NAALADL2: variants seen among roughly 807,000 people sequenced by gnomAD.
NAALADL2 encodes the protein N-acetylated alpha-linked acidic dipeptidase like 2.
NAALADL2 carries 76 observed loss-of-function variants against 87.2 expected under a neutral mutation model. The observed-to-expected ratio is 0.87, with a 90% CI of 0.72 to 1.05. The LOEUF (loss-of-function observed/expected upper bound fraction) is 1.05. Ranked by LOEUF, NAALADL2 falls within the 50% of genes least tolerant of loss-of-function variation. The probability of loss-of-function intolerance (pLI) is 0.00; values close to 1 mark genes in which losing one functional copy is unlikely to be tolerated. For synonymous variants in NAALADL2, 354 were observed against 331.0 expected (o/e 1.07, Z -0.75); for missense variants, 1,089 against 945.8 (o/e 1.15, Z -1.99).
chr3:175,076,605 A>G lies in NAALADL2; in HGVS notation c.44-20185A>G, dbSNP rs146615334. On this transcript the variant is annotated intron_variant, in intron 1 of 13. Transcript: ENST00000454872. The stretch of plus-strand genomic sequence containing the variant: ...AATATTGGACATATCTTGGCTTGTT[A>G]CTTACCTCATCTTTCTAAAAGTCAA... 2.9e-3 allele frequency among the ~76,000 whole-genome samples: 434 copies of G among 152,264 alleles called. 1 individual carries two copies. Among genetic ancestry groups the G allele is most frequent in the African/African-American group, 0.01 (419 of 41,550 alleles).
intron 3 of NAALADL2, among the ~76,000 whole-genome samples, chr3:174,793,728 TAC>T (rs1302837807): frequency 6.6e-6 from 1 of 152,086 alleles, no homozygotes; most frequent in Non-Finnish European, 1.5e-5. Context: ...ATCTCTCTCA[TAC>T]AGTGTCCTTT....
intron 9 of NAALADL2, among the ~76,000 whole-genome samples, chr3:175,499,594 G>T (rs1039771285): frequency 1.7e-4 from 26 of 151,956 alleles, no homozygotes; most frequent in Admixed American, 1.2e-3. Context: ...TAGGGTTTCA[G>T]TATGAATTGT....
chr3:174,816,509 A>G (rs1325307531), intron 3 of NAALADL2, among the ~76,000 whole-genome samples: 1 of 79,824 alleles, frequency 1.3e-5, no homozygotes, highest in Non-Finnish European at 2.6e-5. Flanking sequence ...TATTTTATAC[A>G]TTTATTTATA....
intron 2 of NAALADL2, among the ~76,000 whole-genome samples, chr3:174,680,534 A>G (rs1466896124): frequency 6.6e-6 from 1 of 152,310 alleles, no homozygotes; most frequent in East Asian, 1.9e-4. Context: ...AAAAATTCCA[A>G]AAGGAACTCT....
intron 1 of NAALADL2, among the ~76,000 whole-genome samples, chr3:175,055,015 C>T (rs941352947): frequency 4.1e-4 from 62 of 152,276 alleles, no homozygotes; most frequent in African/African-American, 1.3e-3. Context: ...TTAAATTGAG[C>T]AGGTTGAATT....
chr3:174,817,508 G>A (rs1297514718), intron 3 of NAALADL2, among the ~76,000 whole-genome samples: 1 of 152,112 alleles, frequency 6.6e-6, no homozygotes, highest in African/African-American at 2.4e-5. Flanking sequence ...AGGCTGAGGT[G>A]GGGGGATCAC....
chr3:174,709,696 C>T (rs1362004284), intron 2 of NAALADL2, among the ~76,000 whole-genome samples: 2 of 152,020 alleles, frequency 1.3e-5, no homozygotes, highest in Non-Finnish European at 1.5e-5. Flanking sequence ...GATATATTAG[C>T]GATTCTGGTA....
At chr3:175,452,454 G>A (rs891864070) in intron 6 of NAALADL2, among the ~76,000 whole-genome samples, 8 of 152,162 alleles carry the variant, frequency 5.3e-5, no homozygotes, top group African/African-American at 1.9e-4. Flanking sequence ...TTTTTGAGCA[G>A]AGTGGGCTTT....
chr3:175,224,809 G>C (rs1314613620), intron 2 of NAALADL2, among the ~76,000 whole-genome samples: 1 of 152,114 alleles, frequency 6.6e-6, no homozygotes, highest in Non-Finnish European at 1.5e-5. Context: ...TGTGTAACAT[G>C]CTTCAAAACA....
intron 1 of NAALADL2, among the ~76,000 whole-genome samples, chr3:175,029,048 A>ATT (rs1458221734): frequency 3.4e-5 from 2 of 59,230 alleles, no homozygotes; most frequent in East Asian, 8.4e-4. Context: ...ATATATTAAA[A>ATT]TTATATATAT....
At chr3:174,835,275 ACAATTGCTG>A (rs1422214539) in intron 3 of NAALADL2, among the ~76,000 whole-genome samples, 1 of 152,142 alleles carries the variant, frequency 6.6e-6, no homozygotes, top group Non-Finnish European at 1.5e-5. Flanking sequence ...AGCCGTTTCA[ACAATTGCTG>A]CTGGGAAAAC....
intron 9 of NAALADL2, among the ~76,000 whole-genome samples, chr3:175,548,597 T>C (rs763154179): frequency 1.5e-4 from 23 of 152,178 alleles, no homozygotes; most frequent in Admixed American, 6.5e-5. Context: ...GTTGGAATAG[T>C]TGAGTGACAT....
Position 175,606,291 on chromosome 3 carries a change from G to A in NAALADL2, c.1801-21000G>A, listed in dbSNP as rs558644874. On this transcript the variant is annotated intron_variant, in intron 10 of 13. Coordinates refer to ENST00000454872, the MANE Select transcript of NAALADL2 (RefSeq NM_207015.3). ...GAGGGATACTTGATAGAAAAGCAAAGCCACTGGAAGAGCAAATCCCAATCC... is the reference window on the plus strand; with the variant it reads ...GAGGGATACTTGATAGAAAAGCAAAACCACTGGAAGAGCAAATCCCAATCC... Among the ~76,000 whole-genome samples the A allele has an allele frequency of 4.4e-4, 67 of 152,222 alleles. 2 individuals carry two copies. The highest frequency in any genetic ancestry group is 6.8e-3 in the Middle Eastern group (2 of 294).
chr3:175,051,502 C>G (rs1156248599), intron 1 of NAALADL2, among the ~76,000 whole-genome samples: 1 of 152,150 alleles, frequency 6.6e-6, no homozygotes, highest in African/African-American at 2.4e-5. Flanking sequence ...TCCTAGAGGT[C>G]ACAGGTAGTC....
chr3:174,888,326 A>G (rs946158831), intron 1 of NAALADL2, among the ~76,000 whole-genome samples: 14 of 152,210 alleles, frequency 9.2e-5, no homozygotes, highest in African/African-American at 3.4e-4. Context: ...AATTAGGCCT[A>G]CAAAGTGAAA....
At chr3:175,361,858 A>C (rs202068385) in intron 5 of NAALADL2, among the ~76,000 whole-genome samples, 1 of 145,392 alleles carries the variant, frequency 6.9e-6, no homozygotes, top group Admixed American at 7.1e-5. Flanking sequence ...CTGTGCAGAA[A>C]CTCTTCAGTT....
At chr3:174,943,189 T>C (rs146278900) in intron 1 of NAALADL2, among the ~76,000 whole-genome samples, 310 of 152,318 alleles carry the variant, frequency 2.0e-3, no homozygotes, top group Middle Eastern at 0.014. Flanking sequence ...GCATTGTAGA[T>C]GGAGTACAGT....
chr3:175,735,879 A>G (rs532138858), intron 11 of NAALADL2, among the ~76,000 whole-genome samples: 6 of 152,340 alleles, frequency 3.9e-5, no homozygotes, highest in South Asian at 2.1e-4. Flanking sequence ...CTAGTAAATT[A>G]TATCTTTTAT....
chr3:175,108,152 A>T (rs1297864418), intron 2 of NAALADL2, among the ~76,000 whole-genome samples: 1 of 147,764 alleles, frequency 6.8e-6, no homozygotes, highest in Non-Finnish European at 1.5e-5. Flanking sequence ...GTAGTAATGA[A>T]TTAAATCCAA....
Sources: allele counts gnomAD v4.1 joint callset (sites outside exome capture counted in the v4.1 genomes callset), GRCh38; gene constraint gnomAD v4.1.1; transcripts MANE v1.5; gene names NCBI Gene and HGNC (gene_info 2026-07-23, HGNC 2026-07-21).